Variants in TAFA1 observed in about 807,000 individuals in gnomAD.
The protein encoded by TAFA1 is TAFA chemokine like family member 1, also known as chemokine-like protein TAFA-1.
A neutral mutation model predicts 18.5 loss-of-function variants in TAFA1; 4 were observed. That is an observed-to-expected ratio of 0.22 (90% CI 0.11 to 0.49). TAFA1 has a LOEUF of 0.49. TAFA1 is among the 20% of genes least tolerant of loss of function. The pLI, the probability that TAFA1 is intolerant of heterozygous loss-of-function variation, is 0.98. For synonymous variants in TAFA1, 56 were observed against 55.2 expected, an observed-to-expected ratio of 1.01 and a Z score of -0.06; for missense variants, 147 against 169.0, an observed-to-expected ratio of 0.87 and a Z score of 0.72.
Position 68,006,709 on chromosome 3 carries a change from A to C in TAFA1, c.83A>C (p.Gln28Pro). The change falls in exon 2 of 5, where the codon CAG (glutamine) becomes CCG (proline). Residue 28 changes from glutamine (Q) to proline (P), a missense_variant. By Grantham distance (76) the Gln-to-Pro change is moderately conservative. Transcript: ENST00000478136. ...CAMLLCHGSL[Q>P]HTFQQHHLHR... Reference sequence around the variant, plus strand: ...ATGCTACTCTGCCATGGATCCCTTCAGCACACTTTCCAGCAGCATCACCTG... The same window carrying C: ...ATGCTACTCTGCCATGGATCCCTTCCGCACACTTTCCAGCAGCATCACCTG... 1.2e-6 allele frequency: 2 copies of C among 1,614,038 alleles called. No homozygotes were observed. The highest frequency in any genetic ancestry group is 2.2e-5 in the South Asian group (2 of 91,086).
At chr3:68,216,922 G>A (rs561579955) in intron 2 of TAFA1, among the ~76,000 whole-genome samples, 28 of 152,164 alleles carry the variant, frequency 1.8e-4, no homozygotes, top group African/African-American at 5.8e-4. Context: ...AGAAATGATC[G>A]AATAAATAAA....
At chr3:68,338,510 T>C (rs2069015943) in intron 2 of TAFA1, among the ~76,000 whole-genome samples, 1 of 152,178 alleles carries the variant, frequency 6.6e-6, no homozygotes. Context: ...ATGTGCCATA[T>C]TCTGTGTTGA....
intron 2 of TAFA1, among the ~76,000 whole-genome samples, chr3:68,074,725 T>A (rs1331508047): frequency 6.6e-6 from 1 of 152,206 alleles, no homozygotes; most frequent in African/African-American, 2.4e-5. Flanking sequence ...GAAATTCATA[T>A]CAGGTCTATC....
intron 2 of TAFA1, among the ~76,000 whole-genome samples, chr3:68,040,363 AGTCT>A (rs903754258): frequency 6.6e-6 from 1 of 152,094 alleles, no homozygotes; most frequent in Admixed American, 6.5e-5. Context: ...AAACAAATGA[AGTCT>A]GTCTCTCTGT....
intron 2 of TAFA1, among the ~76,000 whole-genome samples, chr3:68,269,898 A>G (rs780162408): frequency 1.3e-5 from 2 of 152,176 alleles, no homozygotes; most frequent in African/African-American, 4.8e-5. Context: ...GACTCTATGC[A>G]TGTTGTAACT....
rs201732630 is a variant in TAFA1 at position 68,271,834 on chromosome 3, T to A, written c.119-145446T>A. ...TTGTCTATCTCTCTCTCTCTCTCTC[T>A]CTCACACACACACACACACACACAC... On this transcript the variant is annotated intron_variant, in intron 2 of 4. Coordinates refer to ENST00000478136, the MANE Select transcript of TAFA1 (RefSeq NM_213609.4). Among the ~76,000 whole-genome samples, 275 of 150,558 alleles carry A rather than the reference T, an allele frequency of 1.8e-3. 1 individual carries two copies. The highest frequency in any genetic ancestry group is 5.2e-3 in the African/African-American group (213 of 40,582).
At chr3:68,359,143 T>G (rs1416252033) in intron 2 of TAFA1, among the ~76,000 whole-genome samples, 2 of 152,056 alleles carry the variant, frequency 1.3e-5, no homozygotes, top group African/African-American at 4.8e-5. Context: ...GAAATTTCCT[T>G]TTTTATTGTT....
chr3:68,380,134 A>G (rs1021282937), intron 2 of TAFA1, among the ~76,000 whole-genome samples: 2 of 152,124 alleles, frequency 1.3e-5, no homozygotes, highest in Admixed American at 6.5e-5. Flanking sequence ...TCCATGGTGT[A>G]TATGTGCCAC....
intron 2 of TAFA1, among the ~76,000 whole-genome samples, chr3:68,160,962 C>G (rs1399361362): frequency 6.7e-6 from 1 of 150,048 alleles, no homozygotes; most frequent in African/African-American, 2.5e-5. Flanking sequence ...GGTCAAAATG[C>G]AAATACCCAG....
At chr3:68,120,497 C>G (rs528193139) in intron 2 of TAFA1, among the ~76,000 whole-genome samples, 1 of 152,096 alleles carries the variant, frequency 6.6e-6, no homozygotes, top group African/African-American at 2.4e-5. Flanking sequence ...GATCCACCCA[C>G]CTCAGCTTCC....
chr3:68,190,768 T>C (rs1349780319), intron 2 of TAFA1, among the ~76,000 whole-genome samples: 2 of 151,880 alleles, frequency 1.3e-5, no homozygotes, highest in East Asian at 3.9e-4. Flanking sequence ...GTTTTTTTTC[T>C]TAAAATATCT....
At chr3:67,997,361 C>T in the TAFA1 span, among the ~76,000 whole-genome samples, 3 of 152,140 alleles carry the variant, frequency 2.0e-5, no homozygotes, top group East Asian at 5.8e-4. Context: ...ACATAGAATC[C>T]AACAGCTAGT....
intron 2 of TAFA1, among the ~76,000 whole-genome samples, chr3:68,164,258 G>A (rs1161338633): frequency 3.3e-5 from 5 of 152,150 alleles, no homozygotes; most frequent in African/African-American, 1.2e-4. Context: ...TCTTGCCTCT[G>A]AATGGTATTT....
intron 2 of TAFA1, among the ~76,000 whole-genome samples, chr3:68,061,155 T>C (rs1575596356): frequency 6.6e-6 from 1 of 152,214 alleles, no homozygotes; most frequent in East Asian, 1.9e-4. Flanking sequence ...GAAAGCTCCA[T>C]GACATGGCAT....
chr3:68,506,600 A>G (rs2072761508), intron 3 of TAFA1, among the ~76,000 whole-genome samples: 1 of 152,178 alleles, frequency 6.6e-6, no homozygotes, highest in Non-Finnish European at 1.5e-5. Context: ...ACTGGTATGC[A>G]TTTGTTATGG....
intron 2 of TAFA1, among the ~76,000 whole-genome samples, chr3:68,108,434 A>AGG (rs200139445): frequency 7.3e-5 from 7 of 96,210 alleles, no homozygotes; most frequent in African/African-American, 2.6e-4. Context: ...TTTTATTTGA[A>AGG]GGTGTGTGTG....
At chr3:68,352,324 G>A (rs991225059) in intron 2 of TAFA1, among the ~76,000 whole-genome samples, 1 of 151,990 alleles carries the variant, frequency 6.6e-6, no homozygotes, top group Non-Finnish European at 1.5e-5. Context: ...GGAAACCTCA[G>A]TGAAAGGTAA....
At chr3:68,303,767 A>G (rs2068354686) in intron 2 of TAFA1, among the ~76,000 whole-genome samples, 1 of 152,166 alleles carries the variant, frequency 6.6e-6, no homozygotes, top group African/African-American at 2.4e-5. Flanking sequence ...TTTTAGAAGG[A>G]TTAAAAATAT....
chr3:68,424,170 T>G (rs916610563), intron 3 of TAFA1, among the ~76,000 whole-genome samples: 50 of 152,204 alleles, frequency 3.3e-4, no homozygotes, highest in Non-Finnish European at 2.4e-4. Context: ...AACATTTTGC[T>G]CCTGGCTCAT....
Sources: allele counts gnomAD v4.1 joint callset (sites outside exome capture counted in the v4.1 genomes callset), GRCh38; gene constraint gnomAD v4.1.1; transcripts MANE v1.5; gene names NCBI Gene and HGNC (gene_info 2026-07-23, HGNC 2026-07-21).